SCN1A: variants seen among roughly 807,000 people sequenced by gnomAD.
SCN1A encodes the protein sodium channel protein type 1 subunit alpha.
A neutral mutation model predicts 193.7 loss-of-function variants in SCN1A; 13 were observed. The observed-to-expected ratio is 0.07, with a 90% CI of 0.04 to 0.11. The LOEUF is 0.11. Ranked by LOEUF, SCN1A falls within the 10% of genes least tolerant of loss-of-function variation. The pLI is 1.00. For missense variants in SCN1A, 1,432 were observed against 2,451.1 expected (o/e 0.58, Z 8.78); for synonymous variants, 781 against 843.6 (o/e 0.93, Z 1.29).
chr2:165,996,884 G>A (rs76844040), intron 26 of SCN1A, among the ~76,000 whole-genome samples: 3,417 of 151,390 alleles, frequency 0.023, 180 homozygotes, highest in Admixed American at 0.13. Context: ...TGGCCAATGA[G>A]CATTTAAGAA....
At chr2:166,091,038 T>C (rs1380054924) in intron 2 of SCN1A, among the ~76,000 whole-genome samples, 1 of 152,216 alleles carries the variant, frequency 6.6e-6, no homozygotes, top group Non-Finnish European at 1.5e-5. Context: ...CTAACCTGCA[T>C]TGTATTTTTA....
chr2:166,057,571 C>T (rs1189736832), intron 5 of SCN1A, among the ~76,000 whole-genome samples: 1 of 151,848 alleles, frequency 6.6e-6, no homozygotes, highest in Non-Finnish European at 1.5e-5. Context: ...CACATGATGG[C>T]GCTAGGAATA....
chr2:166,052,993 AG>A, intron 7 of SCN1A, 50 bp from the exon 8 acceptor site: 1 of 1,495,420 alleles, frequency 6.7e-7, no homozygotes, highest in Non-Finnish European at 9.3e-7. Flanking sequence ...ACAAAGAAAA[AG>A]CTGTAGGTAC....
chr2:166,148,167 CT>C (rs1692397615), intron 1 of SCN1A, among the ~76,000 whole-genome samples: 1 of 152,178 alleles, frequency 6.6e-6, no homozygotes, highest in Admixed American at 6.5e-5. Context: ...TTGTCTTCAA[CT>C]TTTTAAATAT....
chr2:166,073,389 T>A lies in SCN1A; in HGVS notation c.233A>T (p.Glu78Val). ...ATTGATATAGTAGGGGTCCAGGTCC[T>A]CCAGGGGCTCTGACACCATCTCTGG... ...IPPEMVSEPL[E>V]DLDPYYINKK... The change falls in exon 4 of 29, where the codon GAG becomes GTG. Residue 78 changes from glutamate (E) to valine (V), a missense_variant. Physicochemically the swap from Glu to Val is moderately radical, Grantham distance 121. This residue lies in a region of SCN1A where 123 missense variants were observed against 282.8 expected (regional missense o/e 0.43). Transcript: ENST00000674923. 1 of 1,614,136 alleles carries A rather than the reference T, an allele frequency of 6.2e-7. No homozygotes were observed. The highest frequency in any genetic ancestry group is 8.5e-7 in the Non-Finnish European group (1 of 1,180,008).
chr2:165,993,549 T>C (rs1689588856), intron 28 of SCN1A: 1 of 153,648 alleles, frequency 6.5e-6, no homozygotes, highest in Non-Finnish European at 1.4e-5. Flanking sequence ...CTTTGAAGTA[T>C]AGTACTGATG....
chr2:166,040,997 G>C (rs1257969379), intron 16 of SCN1A, among the ~76,000 whole-genome samples: 1 of 152,160 alleles, frequency 6.6e-6, no homozygotes, highest in Non-Finnish European at 1.5e-5. Flanking sequence ...AAATATTGCT[G>C]TTGACTTTTC....
intron 2 of SCN1A, among the ~76,000 whole-genome samples, chr2:166,093,340 CT>C (rs578245992): frequency 2.8e-4 from 41 of 145,978 alleles, no homozygotes; most frequent in South Asian, 1.1e-3. Context: ...TTGAATTCTT[CT>C]TTTTTTTTTT....
intron 6 of SCN1A, 149 bp from the exon 7 acceptor site, chr2:166,054,915 C>A (rs1334088462): frequency 1.4e-6 from 1 of 735,368 alleles, no homozygotes; most frequent in East Asian, 2.8e-5. Context: ...AAACGTAGCC[C>A]TAAATTTAAA....
At chr2:166,016,480 T>G (rs73969768) in intron 19 of SCN1A, 1 of 151,878 alleles carries the variant, frequency 6.6e-6, no homozygotes, top group African/African-American at 2.4e-5. Context: ...ACAACAACAA[T>G]AACAATATCC....
intron 23 of SCN1A, among the ~76,000 whole-genome samples, chr2:166,008,852 T>TA (rs35881950): frequency 2.0e-5 from 3 of 150,282 alleles, no homozygotes; most frequent in African/African-American, 4.9e-5. Flanking sequence ...TATTTTTTTT[T>TA]AAAAAAAAGC....
chr2:165,989,201 A>C lies in SCN1A; in HGVS notation c.*2044T>G, dbSNP rs1238292446. 6.6e-6 allele frequency: 1 copy of C among 152,574 alleles called. No homozygotes were observed. The highest frequency in any genetic ancestry group is 1.9e-4 in the East Asian group (1 of 5,178). The allele number at this position is 152,574 out of a possible 1,614,324, so 9.5% of individuals were successfully genotyped here. A position where few individuals can be genotyped will look rare whatever the true frequency, so the allele number is the denominator to read the frequency against. ...ATCTTTATTAGTTTTGCACATTTTA[A>C]ATGTTGGTTAGCATTATTTAGCATA... On this transcript the variant is annotated 3_prime_UTR_variant, in exon 29 of 29. Transcript: ENST00000674923.
intron 19 of SCN1A, among the ~76,000 whole-genome samples, chr2:166,022,427 T>C (rs1206610805): frequency 6.6e-6 from 1 of 152,166 alleles, no homozygotes; most frequent in Non-Finnish European, 1.5e-5. Context: ...ACAGTATCTT[T>C]GTGGGTATTA....
downstream of SCN1A, chr2:165,984,796 A>G (rs552206894): frequency 6.6e-6 from 1 of 152,234 alleles, no homozygotes; most frequent in South Asian, 2.1e-4. Flanking sequence ...GCTTGGCTCC[A>G]TAGGGGTGGT....
chr2:166,146,015 T>C (rs983704911), intron 1 of SCN1A, among the ~76,000 whole-genome samples: 3 of 152,268 alleles, frequency 2.0e-5, no homozygotes, highest in South Asian at 2.1e-4. Flanking sequence ...AGCCCACATC[T>C]TTAATAAAAT....
chr2:166,075,872 G>A (rs563429492), intron 3 of SCN1A, among the ~76,000 whole-genome samples: 1 of 152,020 alleles, frequency 6.6e-6, no homozygotes, highest in South Asian at 2.1e-4. Flanking sequence ...GGACAAAGAT[G>A]AGAGCATATT....
In SCN1A at chr2:166,046,881, C is replaced by T; in HGVS notation, c.1266G>A (p.Val422=). The part of the protein sequence containing the change: ...FYLINLILAV[V]AMAYEEQNQA... ...GATTCTGTTCCTCGTAGGCCATGGC[C>T]ACCACAGCCAGGATCAAATTTATTA... The change falls in exon 12 of 29, where the codon GTG becomes GTA. Residue 422 remains valine, a synonymous_variant. Transcript: ENST00000674923. 1 of 1,613,956 alleles carries T rather than the reference C, an allele frequency of 6.2e-7. No individual in the cohort carries two copies. Among genetic ancestry groups the T allele is most frequent in the African/African-American group, 1.3e-5 (1 of 74,990 alleles).
chr2:166,087,572 A>G lies in SCN1A; in HGVS notation c.-141-9771T>C, dbSNP rs145394179. 2.6e-4 allele frequency among the ~76,000 whole-genome samples: 39 copies of G among 152,184 alleles called. No homozygotes were observed. The East Asian group carries it at 7.3e-3, about 29-fold the overall frequency. On this transcript the variant is annotated intron_variant, in intron 2 of 28. Coordinates refer to ENST00000674923, the MANE Select transcript of SCN1A (RefSeq NM_001165963.4). The stretch of plus-strand genomic sequence containing the variant: ...TGCCCTTGCCTTCTGTCATGAGGGG[A>G]AGTCACCTGAGGCCCTCAATAGAAG...
intron 4 of SCN1A, among the ~76,000 whole-genome samples, chr2:166,059,826 T>C (rs886310210): frequency 6.6e-6 from 1 of 152,152 alleles, no homozygotes; most frequent in African/African-American, 2.4e-5. Flanking sequence ...ATTTTCTAAA[T>C]TCAAGTAAAG....
Sources: gnomAD v4.1 joint callset for allele counts (sites outside exome capture counted in the v4.1 genomes callset) on GRCh38, gnomAD v4.1.1 for gene constraint, gnomAD v4.1.1 regional missense constraint, MANE v1.5 for transcripts, NCBI Gene and HGNC (gene_info 2026-07-23, HGNC 2026-07-21) for gene names.